The following LRRC8D variants were observed in gnomAD, a reference collection of about 807,000 sequenced individuals.
The protein encoded by LRRC8D is volume-regulated anion channel subunit LRRC8D.
A neutral mutation model predicts 55.8 loss-of-function variants in LRRC8D; 20 were observed. That is an observed-to-expected ratio of 0.36 (90% CI 0.25 to 0.52). The LOEUF is 0.52. Among genes scored for constraint, LRRC8D ranks in the 20% least tolerant of loss-of-function variants. The pLI, the probability that LRRC8D is intolerant of heterozygous loss-of-function variation, is 0.93. For missense variants in LRRC8D, 651 were observed against 1,030.8 expected, an observed-to-expected ratio of 0.63 and a Z score of 5.05; for synonymous variants, 352 against 377.0, an observed-to-expected ratio of 0.93 and a Z score of 0.77.
At position 89,934,096 on chromosome 1, in the gene LRRC8D, T is replaced by C; in HGVS notation, c.1028T>C (p.Val343Ala). 2 of 1,614,222 alleles carry C rather than the reference T, an allele frequency of 1.2e-6. No individual in the cohort carries two copies. The highest frequency in any genetic ancestry group is 8.5e-7 in the Non-Finnish European group (1 of 1,180,048). The change falls in exon 3 of 3, where the codon GTT becomes GCT. Residue 343 changes from valine (V) to alanine (A), a missense_variant. Val to Ala is a moderately conservative substitution (Grantham distance 64). Transcript: ENST00000337338. The surrounding 1 kb of genome is among the most constrained non-coding windows in gnomAD (Gnocchi z 5.9). ...TTTGAACACGTCTGCAAGCCCAAAG[T>C]TGAGCATCTGATTGGTTATGAGGTA... ...ISFEHVCKPK[V>A]EHLIGYEVFE... is the part of the protein sequence containing the mutation.
chr1:89,828,760 A>G (rs1660819825), intron 1 of LRRC8D, among the ~76,000 whole-genome samples: 2 of 152,088 alleles, frequency 1.3e-5, no homozygotes, highest in African/African-American at 2.4e-5. Context: ...TTTTTCTTAA[A>G]ACATTTTTTT....
chr1:89,829,591 T>C (rs1005116070), intron 1 of LRRC8D, among the ~76,000 whole-genome samples: 3 of 152,240 alleles, frequency 2.0e-5, no homozygotes, highest in Admixed American at 1.3e-4. Flanking sequence ...CCTAGTAGTA[T>C]TTCTGTTACA....
chr1:89,841,405 C>CCCT (rs1553122458), intron 1 of LRRC8D, among the ~76,000 whole-genome samples: 27 of 149,696 alleles, frequency 1.8e-4, no homozygotes, highest in Non-Finnish European at 1.3e-4. Flanking sequence ...CACCCCCCCC[C>CCCT]TTTTTTTTGT....
intron 1 of LRRC8D, among the ~76,000 whole-genome samples, chr1:89,828,487 G>A (rs1324652571): frequency 1.3e-5 from 2 of 152,154 alleles, no homozygotes; most frequent in Admixed American, 6.5e-5. Flanking sequence ...GTTTAATCTT[G>A]GGTTGTCCTT....
Position 89,897,366 on chromosome 1 carries a change from C to T in LRRC8D, c.-2-35701C>T, listed in dbSNP as rs1662738601. Among the ~76,000 whole-genome samples, 5 of 152,202 alleles carry T rather than the reference C, an allele frequency of 3.3e-5. No homozygotes were observed. The South Asian group carries it at 8.3e-4, about 25-fold the overall frequency. On this transcript the variant is annotated intron_variant, in intron 2 of 2. Coordinates refer to ENST00000337338, the MANE Select transcript of LRRC8D (RefSeq NM_001134479.2). ...GGGACTCTGCCAGTGCTTTTATCTA[C>T]AGGCCTGTTGCCATTTTTGTCTTCT...
intron 2 of LRRC8D, among the ~76,000 whole-genome samples, chr1:89,924,637 C>A (rs1663509770): frequency 6.6e-6 from 1 of 152,016 alleles, no homozygotes; most frequent in African/African-American, 2.4e-5. Flanking sequence ...GCACTATTCA[C>A]AATAGCAAAG....
At chr1:89,832,326 A>G (rs1282354564) in intron 1 of LRRC8D, among the ~76,000 whole-genome samples, 2 of 152,202 alleles carry the variant, frequency 1.3e-5, no homozygotes, top group East Asian at 1.9e-4. Flanking sequence ...CATCCCAAGT[A>G]TATAGTACCT....
At chr1:89,907,181 G>GT (rs1387287049) in intron 2 of LRRC8D, among the ~76,000 whole-genome samples, 9 of 105,828 alleles carry the variant, frequency 8.5e-5, no homozygotes, top group African/African-American at 2.5e-4. Flanking sequence ...CTTCCACTGT[G>GT]TCTTTTTTTT....
chr1:89,846,212 T>C (rs1661275395), intron 2 of LRRC8D, among the ~76,000 whole-genome samples: 1 of 152,150 alleles, frequency 6.6e-6, no homozygotes, highest in Non-Finnish European at 1.5e-5. Flanking sequence ...AAATCTCCCA[T>C]TTAAGAACAG....
intron 2 of LRRC8D, among the ~76,000 whole-genome samples, chr1:89,883,222 G>A (rs751963280): frequency 1.4e-4 from 19 of 136,760 alleles, no homozygotes; most frequent in East Asian, 4.1e-4. Context: ...GTGTGTAGGC[G>A]TGTGTGTGTG....
At chr1:89,909,373 T>G (rs1287457120) in intron 2 of LRRC8D, among the ~76,000 whole-genome samples, 1 of 152,082 alleles carries the variant, frequency 6.6e-6, no homozygotes, top group Non-Finnish European at 1.5e-5. Context: ...CTGTTTGGTA[T>G]AGATGATTAG....
intron 2 of LRRC8D, among the ~76,000 whole-genome samples, chr1:89,846,014 C>G (rs1296018361): frequency 6.6e-6 from 1 of 152,236 alleles, no homozygotes; most frequent in South Asian, 2.1e-4. Flanking sequence ...CTCCTCACCC[C>G]ATGATCCACC....
At position 89,934,779 on chromosome 1, in the gene LRRC8D, T is replaced by C. The variant is rs112609113; in HGVS notation, c.1711T>C (p.Leu571=). ...TCGAGAGTTGTACTTAATAGGCAAT[T>C]TGAACTCTGAAAACAATAAGATGAT... ...NLRELYLIGN[L]NSENNKMIGL... is the part of the protein sequence containing the mutation. Residue 571 remains leucine (L), a synonymous_variant, in exon 3 of 3, where the codon TTG becomes CTG. Coordinates refer to ENST00000337338, the MANE Select transcript of LRRC8D (RefSeq NM_001134479.2). This position sits in a 1 kb window ranked among gnomAD's most constrained non-coding sequence, Gnocchi z 5.9. 2.5e-4 allele frequency: 408 copies of C among 1,614,094 alleles called. 2 individuals are homozygous for C. In the African/African-American group the frequency reaches 4.8e-3, roughly 19 times the overall value.
chr1:89,930,481 C>T (rs940005098), intron 2 of LRRC8D, among the ~76,000 whole-genome samples: 1 of 152,112 alleles, frequency 6.6e-6, no homozygotes, highest in Non-Finnish European at 1.5e-5. Flanking sequence ...CATGAGCCAC[C>T]ATCTCGTATC....
At chr1:89,897,159 A>C (rs1169816349) in intron 2 of LRRC8D, among the ~76,000 whole-genome samples, 1 of 152,240 alleles carries the variant, frequency 6.6e-6, no homozygotes, top group Admixed American at 6.5e-5. Flanking sequence ...TGATGTATGT[A>C]CATCTCTCTT....
intron 2 of LRRC8D, among the ~76,000 whole-genome samples, chr1:89,860,910 T>C (rs751444983): frequency 2.6e-5 from 4 of 151,052 alleles, no homozygotes; most frequent in East Asian, 1.9e-4. Flanking sequence ...AGGGCTGTTA[T>C]AGGAAACCTC....
At chr1:89,874,168 C>T (rs1382780262) in intron 2 of LRRC8D, among the ~76,000 whole-genome samples, 2 of 152,166 alleles carry the variant, frequency 1.3e-5, no homozygotes, top group Non-Finnish European at 2.9e-5. Context: ...ATTTCTCCTA[C>T]ACAAAGCTGA....
At chr1:89,830,621 G>C (rs1660863883) in intron 1 of LRRC8D, among the ~76,000 whole-genome samples, 1 of 152,206 alleles carries the variant, frequency 6.6e-6, no homozygotes, top group African/African-American at 2.4e-5. Flanking sequence ...GTCATCAGGA[G>C]TGGGAGGCCC....
At chr1:89,919,243 G>A (rs1284631975) in intron 2 of LRRC8D, among the ~76,000 whole-genome samples, 2 of 152,146 alleles carry the variant, frequency 1.3e-5, no homozygotes, top group Non-Finnish European at 2.9e-5. Flanking sequence ...AGAACTTTTT[G>A]AGGGTTAGTG....
Sources: allele counts gnomAD v4.1 joint callset (sites outside exome capture counted in the v4.1 genomes callset), GRCh38; gene constraint gnomAD v4.1.1; non-coding constraint Gnocchi (gnomAD v3.1); transcripts MANE v1.5; gene names NCBI Gene and HGNC (gene_info 2026-07-23, HGNC 2026-07-21).